Variants in ITIH1 observed in about 807,000 individuals in gnomAD.
ITIH1 encodes the protein inter-alpha-trypsin inhibitor heavy chain 1.
A neutral mutation model predicts 104.6 loss-of-function variants in ITIH1; 94 were observed. The observed-to-expected ratio is 0.90, with a 90% CI of 0.76 to 1.07. ITIH1 has a LOEUF of 1.07. Among genes scored for constraint, ITIH1 ranks in the 50% least tolerant of loss-of-function variants. The pLI, the probability that ITIH1 is intolerant of heterozygous loss-of-function variation, is 0.00. For missense variants in ITIH1, 1,193 were observed against 1,181.4 expected, an observed-to-expected ratio of 1.01 and a Z score of -0.14; for synonymous variants, 455 against 464.4, an observed-to-expected ratio of 0.98 and a Z score of 0.26.
chr3:52,782,113 G>GAA, intron 7 of ITIH1, 38 bp from the exon 8 acceptor site: 1 of 1,614,128 alleles, frequency 6.2e-7, no homozygotes, highest in Non-Finnish European at 8.5e-7. Context: ...GGCAAGGGGT[G>GAA]CTGTGAGAGT....
chr3:52,782,944 T>C lies in ITIH1; in HGVS notation c.931-13T>C, dbSNP rs780500746. 1.2e-6 allele frequency: 2 copies of C among 1,613,728 alleles called. No homozygotes were observed. Among genetic ancestry groups the C allele is most frequent in the South Asian group, 1.1e-5 (1 of 91,074 alleles). ...GGGGCCCTGTCTGTCTACTGACTGTTCTGTCCTTGCAGACCAAGGAGGCAC... is the reference window on the plus strand; with the variant it reads ...GGGGCCCTGTCTGTCTACTGACTGTCCTGTCCTTGCAGACCAAGGAGGCAC... On this transcript the variant is annotated splice_polypyrimidine_tract_variant and intron_variant, in intron 8 of 21. Transcript: ENST00000273283.
chr3:52,788,988 G>A (rs143013315), intron 18 of ITIH1, among the ~76,000 whole-genome samples: 1 of 152,128 alleles, frequency 6.6e-6, no homozygotes, highest in Admixed American at 6.5e-5. Flanking sequence ...CATGAAGCAT[G>A]GCTGAGCAGA....
intron 21 of ITIH1, 21 bp from the exon 22 acceptor site, chr3:52,791,761 A>T (rs369141079): frequency 6.2e-7 from 1 of 1,608,876 alleles, no homozygotes; most frequent in South Asian, 1.1e-5. Flanking sequence ...GGGTGACCCC[A>T]GCTGACTTGT....
chr3:52,779,109 T>G lies in ITIH1; in HGVS notation c.410+63T>G. On this transcript the variant is annotated intron_variant, in intron 4 of 21. Coordinates refer to ENST00000273283, the MANE Select transcript of ITIH1 (RefSeq NM_002215.4). This position sits in a 1 kb window ranked among gnomAD's most constrained non-coding sequence, Gnocchi z 4.4. Reference sequence around the variant, plus strand: ...CCCTCCCCAGCCAGGACAGGTCTGATGGCTGCAAGGTGGCTTTAGTGGAGA... The same window carrying G: ...CCCTCCCCAGCCAGGACAGGTCTGAGGGCTGCAAGGTGGCTTTAGTGGAGA... The G allele has an allele frequency of 8.4e-7, 1 of 1,196,716 alleles. No individual in the cohort carries two copies. The highest frequency in any genetic ancestry group is 1.2e-6 in the Non-Finnish European group (1 of 800,480). 74.1% of individuals were successfully genotyped at this position (1,196,716 alleles called of 1,614,324 possible). A position where few individuals can be genotyped will look rare whatever the true frequency, so the allele number is the denominator to read the frequency against.
At chr3:52,791,060 C>T in intron 20 of ITIH1, 139 bp downstream of exon 20, 5 of 811,288 alleles carry the variant, frequency 6.2e-6, no homozygotes, top group South Asian at 5.6e-5. Flanking sequence ...GGAGCAGAGC[C>T]GTCTGAGGGG....
In ITIH1 at chr3:52,783,125, G is replaced by A; in HGVS notation, c.1099G>A (p.Ala367Thr). Residue 367 changes from alanine (A) to threonine (T), a missense_variant and splice_region_variant, in exon 9 of 22, where the codon GCC (alanine) becomes ACC (threonine). Transcript: ENST00000273283. ...DFVRGFSLDE[A>T]TNLNGGLLRG... ...TGTGCGGGGCTTTTCCCTGGATGAGGGTAAGGGTGGGGGTCTCAGGCAACC... is the reference window on the plus strand; with the variant it reads ...TGTGCGGGGCTTTTCCCTGGATGAGAGTAAGGGTGGGGGTCTCAGGCAACC... 6.2e-7 allele frequency: 1 copy of A among 1,612,804 alleles called. No homozygotes were observed. The highest frequency in any genetic ancestry group is 8.5e-7 in the Non-Finnish European group (1 of 1,179,234).
chr3:52,778,341 C>T lies in ITIH1; in HGVS notation c.140C>T (p.Ala47Val), dbSNP rs148650602. ...SSEKRQAVDT[A>V]VDGVFIRSLK... ...CAGCTCCTTCATGTCTCACTTTAGGCTGTCGATGGCGTGTTCATCCGGAGT... is the reference window on the plus strand; with the variant it reads ...CAGCTCCTTCATGTCTCACTTTAGGTTGTCGATGGCGTGTTCATCCGGAGT... The change falls in exon 3 of 22, where the codon GCT becomes GTT. Residue 47 changes from alanine (A) to valine (V), a missense_variant and splice_region_variant. Ala to Val is a moderately conservative substitution (Grantham distance 64). Transcript: ENST00000273283. 71 of 1,614,070 alleles carry T rather than the reference C, an allele frequency of 4.4e-5. No homozygotes were observed. The highest frequency in any genetic ancestry group is 5.8e-5 in the Non-Finnish European group (69 of 1,180,006).
In ITIH1 at chr3:52,785,224, CA is replaced by C; in HGVS notation, c.1589del (p.His530LeufsTer9). On this transcript the variant is annotated frameshift_variant, in exon 12 of 22. Coordinates refer to ENST00000273283, the MANE Select transcript of ITIH1 (RefSeq NM_002215.4). LOFTEE classifies it high-confidence loss of function. ...QSSFKADVQAHGEGQEFSITC... is the reference protein window; with the variant it reads ...QSSFKADVQAXGEGQEFSITC... ...CAGCTTCAAGGCTGATGTGCAGGCC[CA>C]TGGGGTAAATGGTGGGCCATGGAGG... The C allele has an allele frequency of 4.3e-6, 7 of 1,614,016 alleles. No individual in the cohort carries two copies. The highest frequency in any genetic ancestry group is 1.7e-4 in the Middle Eastern group (1 of 6,022).
At position 52,778,993 on chromosome 3, in the gene ITIH1, A is replaced by G; in HGVS notation, c.357A>G (p.Ala119=). ...GAGACATAAAGGACAAGGTGACTGC[A>G]TGGAAGCAGTACCGGAAAGCAGCTA... The part of the protein sequence containing the change: ...FIGDIKDKVT[A]WKQYRKAAIS... Residue 119 remains alanine, a synonymous_variant, in exon 4 of 22, where the codon GCA becomes GCG. Transcript: ENST00000273283. 6.2e-7 allele frequency: 1 copy of G among 1,614,058 alleles called. No individual in the cohort carries two copies. The highest frequency in any genetic ancestry group is 8.5e-7 in the Non-Finnish European group (1 of 1,179,866).
Position 52,781,207 on chromosome 3 carries a change from TTTTCTTC to T in ITIH1, c.688-730_688-724del, listed in dbSNP as rs1173026843. Among the ~76,000 whole-genome samples, 556 of 65,882 alleles carry T rather than the reference TTTTCTTC, an allele frequency of 8.4e-3. 42 individuals carry two copies. The highest frequency in any genetic ancestry group is 0.036 in the East Asian group (83 of 2,286). 43.2% of individuals were successfully genotyped at this position (65,882 alleles called of 152,430 possible). A position where few individuals can be genotyped will look rare whatever the true frequency, so the allele number is the denominator to read the frequency against. On this transcript the variant is annotated intron_variant, in intron 6 of 21. Transcript: ENST00000273283. ...TCACCTCCTCCTCTTCTTTTTTTTTTTTTCTTCTTCTTCTTCTTCTTCTTCTTCTTCT... is the reference window on the plus strand; with the variant it reads ...TCACCTCCTCCTCTTCTTTTTTTTTTTTCTTCTTCTTCTTCTTCTTCTTCT...
intron 20 of ITIH1, 25 bp downstream of exon 20, chr3:52,790,946 C>A: frequency 6.3e-7 from 1 of 1,582,362 alleles, no homozygotes; most frequent in South Asian, 1.2e-5. Context: ...GCTGGCAGGG[C>A]TGTGGGGAAG....
In ITIH1 at chr3:52,789,641, G is replaced by C. The variant is rs1462877960; in HGVS notation, c.2120-12G>C. The C allele has an allele frequency of 1.9e-6, 3 of 1,613,350 alleles. No homozygotes were observed. Among genetic ancestry groups the C allele is most frequent in the Non-Finnish European group, 2.5e-6 (3 of 1,179,566 alleles). ...CCCTTCCCAACCCGGATGCCCTCTT[G>C]CTCCATTGCAGGCTTCTCAGTGAAT... is the stretch of plus-strand genomic sequence containing the variant. On this transcript the variant is annotated splice_polypyrimidine_tract_variant and intron_variant, in intron 18 of 21. Transcript: ENST00000273283.
chr3:52,782,132 T>G lies in ITIH1; in HGVS notation c.814-19T>G. ...AGGGGTGCTGTGAGAGTGGCCTCACTCGTTCTCCTCTATTTCAGGTGGCCA... is the reference window on the plus strand; with the variant it reads ...AGGGGTGCTGTGAGAGTGGCCTCACGCGTTCTCCTCTATTTCAGGTGGCCA... On this transcript the variant is annotated intron_variant, in intron 7 of 21. Coordinates refer to ENST00000273283, the MANE Select transcript of ITIH1 (RefSeq NM_002215.4). 1 of 1,614,128 alleles carries G rather than the reference T, an allele frequency of 6.2e-7. No individual in the cohort carries two copies. The highest frequency in any genetic ancestry group is 8.5e-7 in the Non-Finnish European group (1 of 1,179,976).
chr3:52,787,537 G>A (rs1037192429), intron 15 of ITIH1, 55 bp from the exon 16 acceptor site: 47 of 1,608,968 alleles, frequency 2.9e-5, no homozygotes, highest in African/African-American at 1.3e-4. Context: ...CATGCCTTTC[G>A]TGTGGGGCAC....
chr3:52,786,839 CG>C, intron 13 of ITIH1, 105 bp from the exon 14 acceptor site: 2 of 1,174,608 alleles, frequency 1.7e-6, no homozygotes, highest in Non-Finnish European at 2.4e-6. Flanking sequence ...ACTTATGTGT[CG>C]AATGAATGAA....
At position 52,777,951 on chromosome 3, in the gene ITIH1, T is replaced by C. The variant is rs369992418; in HGVS notation, c.118-46T>C. 9.3e-6 allele frequency: 15 copies of C among 1,613,252 alleles called. No homozygotes were observed. In the African/African-American group the frequency reaches 1.9e-4, roughly 20 times the overall value. On this transcript the variant is annotated intron_variant, in intron 1 of 21. Coordinates refer to ENST00000273283, the MANE Select transcript of ITIH1 (RefSeq NM_002215.4). ...CATCCCTGAACTGGCAGGCCGGTGG[T>C]CCCCTGAGTTTTCCTCTCACACTTG...
At chr3:52,789,501 G>C (rs191243559) in intron 18 of ITIH1, 152 bp from the exon 19 acceptor site, 1 of 658,888 alleles carries the variant, frequency 1.5e-6, no homozygotes, top group Non-Finnish European at 2.7e-6. Flanking sequence ...TGCTGTGTGC[G>C]GGACCAGACC....
chr3:52,779,419 GT>G lies in ITIH1; in HGVS notation c.411-12del. The stretch of plus-strand genomic sequence containing the variant: ...CTCTGTCTGTCTGCTGTTGCCTCTG[GT>G]GGCACATCCAGGGCCTCGGGGAGAA... On this transcript the variant is annotated splice_polypyrimidine_tract_variant and intron_variant, in intron 4 of 21. Coordinates refer to ENST00000273283, the MANE Select transcript of ITIH1 (RefSeq NM_002215.4). This position sits in a 1 kb window ranked among gnomAD's most constrained non-coding sequence, Gnocchi z 4.4. 1 of 1,614,178 alleles carries G rather than the reference GT, an allele frequency of 6.2e-7. No homozygotes were observed. Among genetic ancestry groups the G allele is most frequent in the East Asian group, 2.2e-5 (1 of 44,884 alleles).
chr3:52,788,129 T>A, intron 17 of ITIH1, 63 bp downstream of exon 17: 1 of 1,505,598 alleles, frequency 6.6e-7, no homozygotes. Context: ...TGGCTGTCTC[T>A]CTCTCTCTGT....
Sources: allele counts gnomAD v4.1 joint callset (sites outside exome capture counted in the v4.1 genomes callset), GRCh38; gene constraint gnomAD v4.1.1; non-coding constraint Gnocchi (gnomAD v3.1); transcripts MANE v1.5; gene names NCBI Gene and HGNC (gene_info 2026-07-23, HGNC 2026-07-21).